Variants in KCND3 observed in about 807,000 individuals in gnomAD.
The protein encoded by KCND3 is A-type voltage-gated potassium channel KCND3.
A neutral mutation model predicts 51.1 loss-of-function variants in KCND3; 9 were observed. The observed-to-expected ratio is 0.18, with a 90% CI of 0.11 to 0.31. The LOEUF (loss-of-function observed/expected upper bound fraction) is 0.31. Among genes scored for constraint, KCND3 ranks in the 10% least tolerant of loss-of-function variants. The pLI is 1.00. For synonymous variants in KCND3, 349 were observed against 368.0 expected, an observed-to-expected ratio of 0.95 and a Z score of 0.59; for missense variants, 526 against 903.8, an observed-to-expected ratio of 0.58 and a Z score of 5.36.
Position 111,910,570 on chromosome 1 carries a change from G to A in KCND3, c.1106+71051C>T, listed in dbSNP as rs575494689. On this transcript the variant is annotated intron_variant, in intron 2 of 7. Transcript: ENST00000302127. ...CTGGGGAGATACTCATCTGCAGGGC[G>A]GCCAACAACCTGTCCACCTGAAATC... 9.9e-5 allele frequency among the ~76,000 whole-genome samples: 15 copies of A among 152,272 alleles called. No homozygotes were observed. In the South Asian group the frequency reaches 2.3e-3, roughly 23 times the overall value.
intron 2 of KCND3, among the ~76,000 whole-genome samples, chr1:111,980,239 G>GTGTGT: frequency 1.6e-5 from 1 of 63,674 alleles, no homozygotes. Flanking sequence ...TGTGTGTGTG[G>GTGTGT]GTTGGAGTGG....
intron 2 of KCND3, among the ~76,000 whole-genome samples, chr1:111,851,561 CA>C (rs1243771623): frequency 2.0e-5 from 3 of 152,222 alleles, no homozygotes; most frequent in Non-Finnish European, 4.4e-5. Flanking sequence ...CAAATTTAGT[CA>C]CTCCCTTCTC....
At chr1:111,880,354 G>A (rs951533212) in intron 2 of KCND3, among the ~76,000 whole-genome samples, 5 of 152,166 alleles carry the variant, frequency 3.3e-5, no homozygotes, top group African/African-American at 1.2e-4. Flanking sequence ...AACTGCTGCT[G>A]GAGGAGGTAC....
Position 111,773,244 on chromosome 1 carries a change from A to G in KCND3, c.*2833T>C, listed in dbSNP as rs370819552. ...CATGGGAAATTGCTTGGGACATGAT[A>G]TTTAACATTTATTAATTTTTGTGGG... On this transcript the variant is annotated 3_prime_UTR_variant, in exon 8 of 8. Coordinates refer to ENST00000302127, the MANE Select transcript of KCND3 (RefSeq NM_001378969.1). 6.6e-6 allele frequency: 1 copy of G among 152,096 alleles called. No individual in the cohort carries two copies. The highest frequency in any genetic ancestry group is 1.5e-5 in the Non-Finnish European group (1 of 68,014). 9.4% of individuals were successfully genotyped at this position (152,096 alleles called of 1,614,324 possible).
At chr1:111,786,902 C>A (rs750288762) in intron 3 of KCND3, 42 bp downstream of exon 3, 1 of 1,611,900 alleles carries the variant, frequency 6.2e-7, no homozygotes, top group African/African-American at 1.3e-5. Flanking sequence ...TGCTCCCCCG[C>A]ATCCTTTACA....
At chr1:111,977,924 A>G (rs1481835542) in intron 2 of KCND3, among the ~76,000 whole-genome samples, 3 of 152,218 alleles carry the variant, frequency 2.0e-5, no homozygotes, top group Non-Finnish European at 4.4e-5. Context: ...TATTTTATTT[A>G]TAGCATCAAT....
At chr1:111,850,757 A>T (rs1241724609) in intron 2 of KCND3, among the ~76,000 whole-genome samples, 1 of 152,082 alleles carries the variant, frequency 6.6e-6, no homozygotes, top group Non-Finnish European at 1.5e-5. Flanking sequence ...TCAGCCAGGG[A>T]CTGGGAGAGT....
Position 111,771,295 on chromosome 1 carries a change from C to T in KCND3, c.*4782G>A, listed in dbSNP as rs1663900981. 6.6e-6 allele frequency: 1 copy of T among 152,184 alleles called. No homozygotes were observed. The highest frequency in any genetic ancestry group is 2.4e-5 in the African/African-American group (1 of 41,446). The allele number at this position is 152,184 out of a possible 1,614,324, so 9.4% of individuals were successfully genotyped here. On this transcript the variant is annotated 3_prime_UTR_variant, in exon 8 of 8. Coordinates refer to ENST00000302127, the MANE Select transcript of KCND3 (RefSeq NM_001378969.1). ...GATGCTCTTCATGGTGCTGTTTGGG[C>T]TCCGAGGGTCATGGGTCATAACAAT...
At chr1:111,805,310 T>C (rs569636696) in intron 2 of KCND3, among the ~76,000 whole-genome samples, 1 of 152,274 alleles carries the variant, frequency 6.6e-6, no homozygotes, top group South Asian at 2.1e-4. Context: ...GGGGACACTG[T>C]TGGGAGGAAC....
At chr1:111,971,251 C>T (rs1365487642) in intron 2 of KCND3, among the ~76,000 whole-genome samples, 1 of 148,804 alleles carries the variant, frequency 6.7e-6, no homozygotes, top group African/African-American at 2.5e-5. Flanking sequence ...ATAAATTCTG[C>T]TTTCTTGGGT....
At chr1:111,825,042 A>G (rs1666514464) in intron 2 of KCND3, among the ~76,000 whole-genome samples, 7 of 152,206 alleles carry the variant, frequency 4.6e-5, no homozygotes, top group Admixed American at 4.6e-4. Context: ...AAGATATCCT[A>G]GCATCAAATT....
chr1:111,827,571 G>A (rs375603241), intron 2 of KCND3, among the ~76,000 whole-genome samples: 1 of 152,192 alleles, frequency 6.6e-6, no homozygotes, highest in Non-Finnish European at 1.5e-5. Flanking sequence ...ATATTGAGCA[G>A]TAAGTACATG....
At chr1:111,894,882 A>AAGG (rs897436957) in intron 2 of KCND3, among the ~76,000 whole-genome samples, 18 of 151,960 alleles carry the variant, frequency 1.2e-4, no homozygotes, top group Non-Finnish European at 2.1e-4. Context: ...GCAGCAGCAG[A>AAGG]AGGAGGAGGA....
chr1:111,961,042 C>G (rs371246083), intron 2 of KCND3, among the ~76,000 whole-genome samples: 1 of 152,194 alleles, frequency 6.6e-6, no homozygotes, highest in Admixed American at 6.5e-5. Context: ...GCTCTTGTCC[C>G]GGAGAAGAGA....
At chr1:111,904,383 G>A (rs960448776) in intron 2 of KCND3, among the ~76,000 whole-genome samples, 6 of 152,146 alleles carry the variant, frequency 3.9e-5, no homozygotes, top group Non-Finnish European at 7.4e-5. Flanking sequence ...TGGGTGGCTG[G>A]AGGAACCCTT....
At chr1:111,818,755 G>A (rs929021256) in intron 2 of KCND3, among the ~76,000 whole-genome samples, 32 of 152,138 alleles carry the variant, frequency 2.1e-4, no homozygotes, top group African/African-American at 7.2e-4. Flanking sequence ...AGGGCCGCCC[G>A]GGCCTCCCCT....
intron 2 of KCND3, among the ~76,000 whole-genome samples, chr1:111,870,944 G>T (rs985839151): frequency 3.9e-4 from 60 of 152,210 alleles, no homozygotes; most frequent in African/African-American, 1.4e-3. Flanking sequence ...CACATAGGGG[G>T]ATGTCACAAA....
chr1:111,893,015 C>T (rs1006102686), intron 2 of KCND3, among the ~76,000 whole-genome samples: 8 of 152,074 alleles, frequency 5.3e-5, no homozygotes, highest in East Asian at 1.9e-4. Context: ...TTTGCTTAAG[C>T]GATGACCTGA....
intron 2 of KCND3, among the ~76,000 whole-genome samples, chr1:111,935,839 C>T (rs764495223): frequency 3.3e-5 from 5 of 152,180 alleles, no homozygotes; most frequent in South Asian, 2.1e-4. Context: ...CCTGGAATCC[C>T]GACCTCATTC....
Sources: gnomAD v4.1 joint callset for allele counts (sites outside exome capture counted in the v4.1 genomes callset) on GRCh38, gnomAD v4.1.1 for gene constraint, MANE v1.5 for transcripts, NCBI Gene and HGNC (gene_info 2026-07-23, HGNC 2026-07-21) for gene names.